Variants in LASP1 observed in about 807,000 individuals in gnomAD.
The protein encoded by LASP1 is LIM and SH3 protein 1.
LASP1 carries 10 observed loss-of-function variants against 38.6 expected under a neutral mutation model. That is an observed-to-expected ratio of 0.26 (90% CI 0.16 to 0.44). The LOEUF is 0.44. Among genes scored for constraint, LASP1 ranks in the 20% least tolerant of loss-of-function variants. LASP1 has a pLI of 1.00. For missense variants in LASP1, 243 were observed against 375.7 expected (o/e 0.65, Z 2.92); for synonymous variants, 132 against 140.8 (o/e 0.94, Z 0.44).
At chr17:38,908,258 C>T (rs1042772449) in intron 4 of LASP1, among the ~76,000 whole-genome samples, 23 of 152,374 alleles carry the variant, frequency 1.5e-4, no homozygotes, top group African/African-American at 5.0e-4. Context: ...CACAGGTTCT[C>T]AGGGGCAGGC....
intron 2 of LASP1, 37 bp from the exon 3 acceptor site, chr17:38,890,383 C>G (rs1216844651): frequency 1.3e-6 from 2 of 1,570,688 alleles, no homozygotes; most frequent in South Asian, 1.1e-5. Flanking sequence ...TGCCCCTCCC[C>G]CAGAGTCACC....
chr17:38,913,458 A>AAG (rs1915014123), intron 4 of LASP1, among the ~76,000 whole-genome samples: 6 of 152,184 alleles, frequency 3.9e-5, no homozygotes, highest in Admixed American at 3.9e-4. Flanking sequence ...CCTGTTGATG[A>AAG]AGAGCAAGGC....
intron 2 of LASP1, among the ~76,000 whole-genome samples, chr17:38,888,439 G>A (rs757463195): frequency 6.6e-6 from 1 of 152,036 alleles, no homozygotes. Context: ...CACGGTGCCC[G>A]GCTAATTTTT....
Position 38,918,510 on chromosome 17 carries a change from G to A in LASP1, c.613-95G>A. On this transcript the variant is annotated intron_variant, in intron 6 of 6. Transcript: ENST00000318008. This position sits in a 1 kb window ranked among gnomAD's most constrained non-coding sequence, Gnocchi z 4.4. The stretch of plus-strand genomic sequence containing the variant: ...CATTTCTGAGTTCACTGCTCCCCCA[G>A]GCTCTGCTCCAGGGTCGTGGAGAGT... 1.6e-6 allele frequency: 2 copies of A among 1,260,742 alleles called. No homozygotes were observed. Among genetic ancestry groups the A allele is most frequent in the Non-Finnish European group, 1.1e-6 (1 of 909,134 alleles). 78.1% of individuals were successfully genotyped at this position (1,260,742 alleles called of 1,614,324 possible). A position where few individuals can be genotyped will look rare whatever the true frequency, so the allele number is the denominator to read the frequency against.
intron 5 of LASP1, among the ~76,000 whole-genome samples, chr17:38,914,703 CACACA>C (rs1915060344): frequency 6.6e-6 from 1 of 151,824 alleles, no homozygotes; most frequent in Non-Finnish European, 1.5e-5. Flanking sequence ...CACACACACA[CACACA>C]CACACATGCA....
At chr17:38,886,039 G>T (rs1914116751) in intron 2 of LASP1, among the ~76,000 whole-genome samples, 1 of 151,962 alleles carries the variant, frequency 6.6e-6, no homozygotes, top group Admixed American at 6.6e-5. Context: ...CCTTAGTTGA[G>T]GACCCCCTTG....
intron 4 of LASP1, among the ~76,000 whole-genome samples, chr17:38,903,093 C>T (rs890368201): frequency 2.0e-5 from 3 of 152,170 alleles, no homozygotes; most frequent in African/African-American, 7.2e-5. Flanking sequence ...GGGCTTTTTA[C>T]CAGCCAGAGC....
At chr17:38,880,841 C>G (rs1331864993) in intron 2 of LASP1, among the ~76,000 whole-genome samples, 1 of 151,974 alleles carries the variant, frequency 6.6e-6, no homozygotes, top group Non-Finnish European at 1.5e-5. Flanking sequence ...CATAGTGGCT[C>G]ACGCCTGTAA....
At position 38,919,074 on chromosome 17, in the gene LASP1, A is replaced by T. The variant is rs1028357736; in HGVS notation, c.*296A>T. On this transcript the variant is annotated 3_prime_UTR_variant, in exon 7 of 7. Transcript: ENST00000318008. ...GGAGACCTGTTGGCCTGTGGGCCTC[A>T]CCTGCCCCTCTGTTCTCTCCCCTCA... 4.5e-6 allele frequency: 2 copies of T among 448,310 alleles called. No individual in the cohort carries two copies. The highest frequency in any genetic ancestry group is 3.9e-5 in the African/African-American group (2 of 50,796). The allele number at this position is 448,310 out of a possible 1,614,324, so 27.8% of individuals were successfully genotyped here.
intron 5 of LASP1, among the ~76,000 whole-genome samples, chr17:38,914,677 GACACACACACACACACAC>G (rs10599326): frequency 7.5e-5 from 11 of 146,668 alleles, no homozygotes; most frequent in East Asian, 2.0e-4. Flanking sequence ...GCGAGAGACA[GACACACACACACACACAC>G]ACACACACAC....
At chr17:38,877,020 C>T (rs993107129) in intron 1 of LASP1, among the ~76,000 whole-genome samples, 5 of 152,188 alleles carry the variant, frequency 3.3e-5, no homozygotes, top group African/African-American at 1.2e-4. Context: ...CATTCTCACA[C>T]GCATGAATGG....
chr17:38,913,131 A>G (rs1915003987), intron 4 of LASP1, among the ~76,000 whole-genome samples: 1 of 152,098 alleles, frequency 6.6e-6, no homozygotes, highest in African/African-American at 2.4e-5. Context: ...CTCAAACAAC[A>G]TGAGGCCCAA....
chr17:38,874,265 AG>A (rs935380052), intron 1 of LASP1, among the ~76,000 whole-genome samples: 1 of 152,072 alleles, frequency 6.6e-6, no homozygotes, highest in Non-Finnish European at 1.5e-5. Context: ...CCTTTAAAAG[AG>A]GGGGGCTCTT....
At chr17:38,878,348 A>G (rs1913843741) in intron 2 of LASP1, among the ~76,000 whole-genome samples, 168 bp downstream of exon 2, 1 of 152,106 alleles carries the variant, frequency 6.6e-6, no homozygotes, top group Non-Finnish European at 1.5e-5. Context: ...AGCACTTTTT[A>G]TCCCCATTTA....
intron 4 of LASP1, among the ~76,000 whole-genome samples, chr17:38,910,533 A>G (rs1485797766): frequency 1.3e-5 from 2 of 151,028 alleles, no homozygotes; most frequent in East Asian, 3.9e-4. Context: ...GATTTGGTCC[A>G]TGGACCATAG....
intron 4 of LASP1, among the ~76,000 whole-genome samples, chr17:38,906,650 C>CCT (rs1459162321): frequency 1.3e-5 from 2 of 152,168 alleles, no homozygotes; most frequent in African/African-American, 4.8e-5. Flanking sequence ...CCTGCTGTTC[C>CCT]CTCGTTCACT....
intron 2 of LASP1, among the ~76,000 whole-genome samples, chr17:38,887,157 T>G (rs1051890317): frequency 5.9e-5 from 9 of 152,176 alleles, no homozygotes; most frequent in Admixed American, 3.3e-4. Context: ...ACCAGCCTCA[T>G]CTTCTCAGAA....
chr17:38,886,172 A>C (rs1244216863), intron 2 of LASP1, among the ~76,000 whole-genome samples: 3 of 143,434 alleles, frequency 2.1e-5, no homozygotes, highest in Non-Finnish European at 4.6e-5. Flanking sequence ...CTCTCTCCTC[A>C]CTCTCTCTCT....
chr17:38,895,967 G>A (rs1914477985), intron 3 of LASP1, among the ~76,000 whole-genome samples: 1 of 152,156 alleles, frequency 6.6e-6, no homozygotes, highest in African/African-American at 2.4e-5. Context: ...CCAGAAGTGG[G>A]GTCCTCTGAC....
Sources: allele counts gnomAD v4.1 joint callset (sites outside exome capture counted in the v4.1 genomes callset), GRCh38; gene constraint gnomAD v4.1.1; non-coding constraint Gnocchi (gnomAD v3.1); transcripts MANE v1.5; gene names NCBI Gene and HGNC (gene_info 2026-07-23, HGNC 2026-07-21).